Variants in CTNNA3 observed in about 807,000 individuals in gnomAD.
The protein encoded by CTNNA3 is catenin alpha 3.
A neutral mutation model predicts 95.7 loss-of-function variants in CTNNA3; 76 were observed. That is an observed-to-expected ratio of 0.79 (90% confidence interval 0.66 to 0.96). The LOEUF is 0.96. Among genes scored for constraint, CTNNA3 ranks in the 40% least tolerant of loss-of-function variants. CTNNA3 has a pLI of 0.00. For synonymous variants in CTNNA3, 431 were observed against 374.4 expected, an observed-to-expected ratio of 1.15 and a Z score of -1.74; for missense variants, 1,191 against 1,089.8, an observed-to-expected ratio of 1.09 and a Z score of -1.31.
chr10:66,679,330 T>C lies in CTNNA3; in HGVS notation c.1282-57546A>G, dbSNP rs143084080. On this transcript the variant is annotated intron_variant, in intron 9 of 17. Transcript: ENST00000433211. The stretch of plus-strand genomic sequence containing the variant: ...GATACTAGCTTCAGCAATTGGGAGA[T>C]TGGTGATTTCATTCCCTGAAAGAGA... Among the ~76,000 whole-genome samples, 651 of 152,256 alleles carry C rather than the reference T, an allele frequency of 4.3e-3. 3 individuals carry two copies. The highest frequency in any genetic ancestry group is 0.015 in the African/African-American group (617 of 41,534).
At chr10:66,137,877 G>A (rs957988452) in intron 13 of CTNNA3, among the ~76,000 whole-genome samples, 1 of 152,092 alleles carries the variant, frequency 6.6e-6, no homozygotes, top group African/African-American at 2.4e-5. Flanking sequence ...TTGAGTCCAG[G>A]AGGTGGAGGT....
intron 15 of CTNNA3, among the ~76,000 whole-genome samples, chr10:66,048,674 T>G (rs2079882983): frequency 6.6e-6 from 1 of 152,038 alleles, no homozygotes; most frequent in African/African-American, 2.4e-5. Context: ...AGCAGGAGAA[T>G]GGCATGAACC....
intron 5 of CTNNA3, among the ~76,000 whole-genome samples, chr10:67,234,027 T>C (rs988019402): frequency 2.6e-5 from 4 of 152,132 alleles, no homozygotes; most frequent in Admixed American, 2.0e-4. Context: ...ATCAATAGCT[T>C]ACCAACCAAA....
At chr10:66,792,448 G>T (rs1027797551) in intron 7 of CTNNA3, among the ~76,000 whole-genome samples, 5 of 152,046 alleles carry the variant, frequency 3.3e-5, no homozygotes, top group African/African-American at 1.2e-4. Flanking sequence ...TCTAGGTGGG[G>T]CCTAAAATTC....
chr10:66,691,366 C>T (rs923577860), intron 9 of CTNNA3, among the ~76,000 whole-genome samples: 2 of 152,178 alleles, frequency 1.3e-5, no homozygotes, highest in Non-Finnish European at 2.9e-5. Flanking sequence ...GCTGGCACAG[C>T]AGACTGAGAT....
At chr10:66,603,653 G>A (rs760558878) in intron 10 of CTNNA3, among the ~76,000 whole-genome samples, 3 of 152,088 alleles carry the variant, frequency 2.0e-5, no homozygotes, top group Admixed American at 6.5e-5. Context: ...TGCAAAGCTC[G>A]ACATCATACT....
chr10:66,387,240 C>CA (rs1021643273), intron 11 of CTNNA3, among the ~76,000 whole-genome samples: 9 of 151,606 alleles, frequency 5.9e-5, no homozygotes, highest in African/African-American at 2.2e-4. Flanking sequence ...GAACTCAAAC[C>CA]AATTTACTAG....
chr10:67,395,184 A>T (rs1450025856), intron 5 of CTNNA3, among the ~76,000 whole-genome samples: 3 of 152,224 alleles, frequency 2.0e-5, no homozygotes, highest in African/African-American at 7.2e-5. Flanking sequence ...ATTCTCAAAA[A>T]AAGGAATCTA....
chr10:66,364,451 A>C (rs1168840750), intron 12 of CTNNA3, among the ~76,000 whole-genome samples: 1 of 152,056 alleles, frequency 6.6e-6, no homozygotes, highest in Non-Finnish European at 1.5e-5. Flanking sequence ...AAAATGTATA[A>C]GATTGGCAGA....
At chr10:67,272,899 T>TA (rs1839041966) in intron 5 of CTNNA3, among the ~76,000 whole-genome samples, 1 of 152,138 alleles carries the variant, frequency 6.6e-6, no homozygotes, top group Non-Finnish European at 1.5e-5. Context: ...ACTTGATAAA[T>TA]AATTATTTAT....
At chr10:67,182,548 TAAAG>T (rs1420317021) in intron 6 of CTNNA3, among the ~76,000 whole-genome samples, 1 of 151,948 alleles carries the variant, frequency 6.6e-6, no homozygotes, top group Non-Finnish European at 1.5e-5. Flanking sequence ...CAAGAAGGAT[TAAAG>T]ACTTACATGT....
At chr10:66,330,063 C>A in intron 12 of CTNNA3, among the ~76,000 whole-genome samples, 1 of 151,968 alleles carries the variant, frequency 6.6e-6, no homozygotes, top group South Asian at 2.1e-4. Context: ...AAGAAGTAAG[C>A]ACATATTTCT....
chr10:66,133,389 C>T (rs2083209664), intron 13 of CTNNA3, among the ~76,000 whole-genome samples: 1 of 151,954 alleles, frequency 6.6e-6, no homozygotes, highest in Admixed American at 6.6e-5. Flanking sequence ...GTGGCAGCCG[C>T]CTGTCATCCC....
At chr10:66,363,017 A>C (rs1233916138) in intron 12 of CTNNA3, among the ~76,000 whole-genome samples, 1 of 152,182 alleles carries the variant, frequency 6.6e-6, no homozygotes, top group Non-Finnish European at 1.5e-5. Flanking sequence ...TTAGTCTTTC[A>C]CTATTTTTCT....
intron 5 of CTNNA3, among the ~76,000 whole-genome samples, chr10:67,445,949 G>A (rs1846728371): frequency 6.6e-6 from 1 of 152,170 alleles, no homozygotes; most frequent in African/African-American, 2.4e-5. Context: ...GTACATGACA[G>A]ATGCTCAATA....
rs113900253 is a variant in CTNNA3 at position 67,545,625 on chromosome 10, G to A, written c.293-5956C>T. Among the ~76,000 whole-genome samples, 910 of 152,228 alleles carry A rather than the reference G, an allele frequency of 6.0e-3. 18 individuals carry two copies. Among genetic ancestry groups the A allele is most frequent in the African/African-American group, 0.021 (861 of 41,552 alleles). The stretch of plus-strand genomic sequence containing the variant: ...TTGGAGCAGGGCAAGGCAAGGAAAA[G>A]GATTATAAAAGATCAAGAAAGATTC... On this transcript the variant is annotated intron_variant, in intron 3 of 17. Coordinates refer to ENST00000433211, the MANE Select transcript of CTNNA3 (RefSeq NM_013266.4).
At chr10:65,971,293 G>C (rs756249065) in intron 16 of CTNNA3, among the ~76,000 whole-genome samples, 1 of 147,890 alleles carries the variant, frequency 6.8e-6, no homozygotes, top group Non-Finnish European at 1.5e-5. Flanking sequence ...AGTTAGCAGA[G>C]GAAAAGAAAA....
chr10:66,629,626 C>T (rs1027101445), intron 9 of CTNNA3, among the ~76,000 whole-genome samples: 1 of 151,966 alleles, frequency 6.6e-6, no homozygotes, highest in Non-Finnish European at 1.5e-5. Flanking sequence ...AATTTGGTTC[C>T]CCCATCATCA....
At chr10:66,693,495 C>A (rs866190523) in intron 9 of CTNNA3, among the ~76,000 whole-genome samples, 1 of 151,372 alleles carries the variant, frequency 6.6e-6, no homozygotes. Context: ...GACTTAGACT[C>A]CCACACAATA....
Sources: allele counts gnomAD v4.1 joint callset (sites outside exome capture counted in the v4.1 genomes callset), GRCh38; gene constraint gnomAD v4.1.1; transcripts MANE v1.5; gene names NCBI Gene and HGNC (gene_info 2026-07-23, HGNC 2026-07-21).